Variants in EVL observed in about 807,000 individuals in gnomAD.
The protein encoded by EVL is Enah/Vasp-like, also known as ena/VASP-like protein.
Under a neutral mutation model 59.6 loss-of-function variants are expected in EVL, and 21 were observed. The observed-to-expected ratio is 0.35, with a 90% CI of 0.25 to 0.51. The LOEUF is 0.51. Ranked by LOEUF, EVL falls within the 20% of genes least tolerant of loss-of-function variation. The probability of loss-of-function intolerance (pLI) is 0.97; values close to 1 mark genes in which losing one functional copy is unlikely to be tolerated. For synonymous variants in EVL, 198 were observed against 203.5 expected, an observed-to-expected ratio of 0.97 and a Z score of 0.23; for missense variants, 462 against 546.6, an observed-to-expected ratio of 0.85 and a Z score of 1.54.
At chr14:99,995,266 G>T (rs1242797459) in intron 1 of EVL, among the ~76,000 whole-genome samples, 1 of 152,116 alleles carries the variant, frequency 6.6e-6, no homozygotes, top group African/African-American at 2.4e-5. Context: ...TTATTTACAT[G>T]TTATTTCACT....
chr14:100,061,447 G>T (rs1179251686), upstream of EVL, among the ~76,000 whole-genome samples: 5 of 66,548 alleles, frequency 7.5e-5, no homozygotes, highest in Admixed American at 1.6e-4. Flanking sequence ...GCTAAAGGAA[G>T]TTCCTCAGGC....
At chr14:100,055,388 G>A (rs1055803833) in intron 1 of EVL, among the ~76,000 whole-genome samples, 35 of 151,974 alleles carry the variant, frequency 2.3e-4, no homozygotes, top group African/African-American at 8.2e-4. Context: ...GTATTCAGTT[G>A]GATGCTCCCA....
chr14:100,114,195 T>A lies in EVL; in HGVS notation c.359-9344T>A, dbSNP rs1390450228. 6.6e-6 allele frequency among the ~76,000 whole-genome samples: 1 copy of A among 151,922 alleles called. No homozygotes were observed. On this transcript the variant is annotated intron_variant, in intron 3 of 13. Coordinates refer to ENST00000392920, the MANE Select transcript of EVL (RefSeq NM_016337.3). The surrounding 1 kb of genome is among the most constrained non-coding windows in gnomAD (Gnocchi z 5.0). ...CGGGGGGGAATCAAATGAGCCTTAC[T>A]TCTGTGAGCGGGTGCCAACTTGGTT...
At chr14:99,981,821 C>T (rs151184116) in intron 1 of EVL, among the ~76,000 whole-genome samples, 3 of 152,306 alleles carry the variant, frequency 2.0e-5, no homozygotes, top group Non-Finnish European at 4.4e-5. Flanking sequence ...AATAGATTTG[C>T]TCAGGGCAGT....
intron 3 of EVL, chr14:100,107,053 G>A: frequency 5.0e-6 from 2 of 398,752 alleles, no homozygotes; most frequent in Non-Finnish European, 8.8e-6. Flanking sequence ...ATCAGCAGGT[G>A]GAATGACACC....
chr14:100,081,601 T>C (rs2062308522), intron 1 of EVL, among the ~76,000 whole-genome samples: 1 of 151,354 alleles, frequency 6.6e-6, no homozygotes, highest in Non-Finnish European at 1.5e-5. Flanking sequence ...GCAAGCACAG[T>C]GCTTTATTTA....
At chr14:100,136,324 G>T (rs1428102991) in intron 9 of EVL, among the ~76,000 whole-genome samples, 1 of 152,216 alleles carries the variant, frequency 6.6e-6, no homozygotes, top group Non-Finnish European at 1.5e-5. Flanking sequence ...GCTCTTAAGA[G>T]GTATCAGTGT....
At chr14:99,998,589 T>C (rs1443685691) in intron 1 of EVL, among the ~76,000 whole-genome samples, 1 of 152,152 alleles carries the variant, frequency 6.6e-6, no homozygotes, top group Admixed American at 6.5e-5. Context: ...AATTTTGCAA[T>C]ACAGAAAAGT....
intron 2 of EVL, among the ~76,000 whole-genome samples, chr14:100,086,904 A>G (rs973628905): frequency 1.3e-5 from 2 of 152,226 alleles, no homozygotes; most frequent in African/African-American, 4.8e-5. Flanking sequence ...TTGGTAAACC[A>G]AGACATTAGA....
At chr14:100,067,972 A>G (rs1262916226) in intron 1 of EVL, among the ~76,000 whole-genome samples, 1 of 152,182 alleles carries the variant, frequency 6.6e-6, no homozygotes, top group African/African-American at 2.4e-5. Flanking sequence ...AGGCACTGGC[A>G]GGCATCACAG....
At chr14:99,991,552 T>C (rs1380167207) in intron 1 of EVL, among the ~76,000 whole-genome samples, 1 of 152,202 alleles carries the variant, frequency 6.6e-6, no homozygotes, top group Non-Finnish European at 1.5e-5. Flanking sequence ...GATTGAGAAT[T>C]ACTATATTTT....
chr14:100,030,767 G>A (rs147920972), intron 1 of EVL, among the ~76,000 whole-genome samples: 32 of 152,338 alleles, frequency 2.1e-4, no homozygotes, highest in African/African-American at 4.6e-4. Flanking sequence ...GGACTACAGT[G>A]TTTTCTGGCT....
At chr14:100,066,436 C>A in intron 1 of EVL, 1 of 152,264 alleles carries the variant, frequency 6.6e-6, no homozygotes. Context: ...ACGAGGTTGG[C>A]CTCATCCGGT....
In EVL at chr14:99,972,504, C is replaced by T. The variant is rs1207246318; in HGVS notation, c.5+447C>T. ...GCCCCCAGGCGTTGCCGAAGCCTCCCCCTGCCAGCGCCCAGAGCCGCGTTT... is the reference window on the plus strand; with the variant it reads ...GCCCCCAGGCGTTGCCGAAGCCTCCTCCTGCCAGCGCCCAGAGCCGCGTTT... On this transcript the variant is annotated intron_variant, in intron 1 of 13. Coordinates refer to the EVL transcript ENST00000402714. The surrounding 1 kb of genome is among the most constrained non-coding windows in gnomAD (Gnocchi z 4.4). Among the ~76,000 whole-genome samples the T allele has an allele frequency of 6.6e-6, 1 of 152,192 alleles. No homozygotes were observed. Among genetic ancestry groups the T allele is most frequent in the African/African-American group, 2.4e-5 (1 of 41,468 alleles).
chr14:100,097,352 C>T (rs1426929161), intron 2 of EVL, 129 bp from the exon 3 acceptor site: 3 of 774,034 alleles, frequency 3.9e-6, no homozygotes, highest in Admixed American at 6.4e-5. Flanking sequence ...TATTGCTTTT[C>T]CCTTCTTCAA....
chr14:99,991,960 C>CTGTGTGTGTGTG (rs58443751), intron 1 of EVL, among the ~76,000 whole-genome samples: 4,397 of 144,274 alleles, frequency 0.03, 87 homozygotes, highest in Admixed American at 0.047. Context: ...AGGGTCAACT[C>CTGTGTGTGTGTG]TGTGTGTGTG....
chr14:100,049,021 C>T (rs1034735831), intron 1 of EVL, among the ~76,000 whole-genome samples: 4 of 152,112 alleles, frequency 2.6e-5, no homozygotes, highest in African/African-American at 9.7e-5. Flanking sequence ...GTGGTGGTTA[C>T]ACCACCAATC....
upstream of EVL, chr14:100,065,376 G>T: frequency 9.1e-7 from 1 of 1,102,478 alleles, no homozygotes. Flanking sequence ...TTCCTGTTTG[G>T]TTTTAAGTAG....
chr14:99,985,818 T>G (rs1162489053), intron 1 of EVL, among the ~76,000 whole-genome samples: 2 of 152,056 alleles, frequency 1.3e-5, no homozygotes, highest in African/African-American at 4.8e-5. Flanking sequence ...TCATTACTAA[T>G]TAGTGGCCCT....
Sources: allele counts gnomAD v4.1 joint callset (sites outside exome capture counted in the v4.1 genomes callset), GRCh38; gene constraint gnomAD v4.1.1; non-coding constraint Gnocchi (gnomAD v3.1); transcripts MANE v1.5; gene names NCBI Gene and HGNC (gene_info 2026-07-23, HGNC 2026-07-21).